Variants in BPGM observed in about 807,000 individuals in gnomAD.
BPGM encodes 2,3-bisphosphoglycerate mutase, erythrocyte.
Under a neutral mutation model 21.6 loss-of-function variants are expected in BPGM, and 15 were observed. That is an observed-to-expected ratio of 0.70 (90% CI 0.47 to 1.07). BPGM has a LOEUF of 1.07. Ranked by LOEUF, BPGM falls within the 50% of genes least tolerant of loss-of-function variation. The pLI, the probability that BPGM is intolerant of heterozygous loss-of-function variation, is 0.00. For missense variants in BPGM, 273 were observed against 319.0 expected, an observed-to-expected ratio of 0.86 and a Z score of 1.10; for synonymous variants, 113 against 116.2, an observed-to-expected ratio of 0.97 and a Z score of 0.18.
chr7:134,659,723 A>T (rs1795700288), intron 1 of BPGM, among the ~76,000 whole-genome samples: 1 of 152,186 alleles, frequency 6.6e-6, no homozygotes, highest in African/African-American at 2.4e-5. Flanking sequence ...GAAAATCATC[A>T]TCCTAACTGC....
intron 2 of BPGM, among the ~76,000 whole-genome samples, chr7:134,666,245 T>G (rs78957323): frequency 1.3e-3 from 191 of 152,278 alleles, no homozygotes; most frequent in African/African-American, 4.5e-3. Context: ...ACAGGCTTTA[T>G]AGAAAATGTT....
At chr7:134,649,865 C>T (rs1212614643) in intron 1 of BPGM, among the ~76,000 whole-genome samples, 1 of 152,190 alleles carries the variant, frequency 6.6e-6, no homozygotes, top group Non-Finnish European at 1.5e-5. Flanking sequence ...TCCCAGCTTT[C>T]GCTTCTGCTC....
chr7:134,651,847 T>C (rs1795559628), intron 1 of BPGM, among the ~76,000 whole-genome samples: 1 of 152,240 alleles, frequency 6.6e-6, no homozygotes, highest in South Asian at 2.1e-4. Flanking sequence ...TTGATTTGTT[T>C]ATTGTCAAAG....
intron 2 of BPGM, among the ~76,000 whole-genome samples, chr7:134,662,955 T>C (rs1276097387): frequency 6.6e-6 from 1 of 152,248 alleles, no homozygotes; most frequent in African/African-American, 2.4e-5. Context: ...TCTGGATTTC[T>C]CACTGTTCTG....
chr7:134,677,994 T>C (rs1024522747), intron 2 of BPGM, among the ~76,000 whole-genome samples: 6 of 152,248 alleles, frequency 3.9e-5, no homozygotes, highest in African/African-American at 1.4e-4. Flanking sequence ...GTCATCATAT[T>C]GCAATGATGA....
chr7:134,668,515 A>C (rs1795853318), intron 2 of BPGM, among the ~76,000 whole-genome samples: 1 of 152,208 alleles, frequency 6.6e-6, no homozygotes, highest in South Asian at 2.1e-4. Flanking sequence ...TAGCATAGCT[A>C]TACGGGATGA....
In BPGM at chr7:134,661,620, C is replaced by T; in HGVS notation, c.113C>T (p.Ala38Val). ...QKLNSEGMEEARNCGKQLKAL... is the reference protein window; with the variant it reads ...QKLNSEGMEEVRNCGKQLKAL... ...CTCAACAGCGAAGGAATGGAGGAAG[C>T]TCGGAACTGTGGGAAGCAACTCAAA... Residue 38 changes from alanine to valine, a missense_variant, in exon 2 of 3, where the codon GCT (alanine) becomes GTT (valine). By Grantham distance (64) the Ala-to-Val change is moderately conservative (BLOSUM62 0). Transcript: ENST00000344924. The surrounding 1 kb of genome is among the most constrained non-coding windows in gnomAD (Gnocchi z 4.6). 6.2e-7 allele frequency: 1 copy of T among 1,614,140 alleles called. No individual in the cohort carries two copies. The highest frequency in any genetic ancestry group is 8.5e-7 in the Non-Finnish European group (1 of 1,180,030).
chr7:134,656,614 G>T (rs890722584), intron 1 of BPGM, among the ~76,000 whole-genome samples: 4 of 152,148 alleles, frequency 2.6e-5, no homozygotes, highest in Non-Finnish European at 4.4e-5. Context: ...TGGGGGCAAA[G>T]CTCCTTATAA....
chr7:134,678,078 G>A (rs1453948705), intron 2 of BPGM, among the ~76,000 whole-genome samples: 2 of 152,184 alleles, frequency 1.3e-5, no homozygotes, highest in African/African-American at 4.8e-5. Context: ...CATGTTAGCT[G>A]TTTATTGTTA....
chr7:134,661,587 A>G lies in BPGM; in HGVS notation c.80A>G (p.Asp27Gly), dbSNP rs1289901566. Residue 27 changes from aspartate (D) to glycine (G), a missense_variant, in exon 2 of 3, where the codon GAT becomes GGT. By Grantham distance (94) the Asp-to-Gly change is moderately conservative (BLOSUM62 -1). Transcript: ENST00000344924. The surrounding 1 kb of genome is among the most constrained non-coding windows in gnomAD (Gnocchi z 4.6). ...GAGAACCGTTTTTGTAGCTGGGTGG[A>G]TCAGAAACTCAACAGCGAAGGAATG... ...NKENRFCSWV[D>G]QKLNSEGMEE... 10 of 1,614,052 alleles carry G rather than the reference A, an allele frequency of 6.2e-6. No homozygotes were observed. The South Asian group carries it at 1.1e-4, about 18-fold the overall frequency.
intron 2 of BPGM, among the ~76,000 whole-genome samples, chr7:134,665,236 C>T (rs542875828): frequency 4.6e-5 from 7 of 152,078 alleles, no homozygotes; most frequent in African/African-American, 1.4e-4. Flanking sequence ...GTGTAGAATA[C>T]TGGGGAAAAT....
intron 2 of BPGM, among the ~76,000 whole-genome samples, chr7:134,675,061 T>C (rs554639860): frequency 3.3e-5 from 5 of 152,212 alleles, no homozygotes; most frequent in African/African-American, 1.2e-4. Flanking sequence ...TGTATATCTT[T>C]GGAGAAATGG....
intron 1 of BPGM, among the ~76,000 whole-genome samples, chr7:134,647,496 C>T (rs1194960538): frequency 3.9e-5 from 6 of 152,188 alleles, no homozygotes; most frequent in Non-Finnish European, 2.9e-5. Context: ...AGTGTATTTT[C>T]CTCTTTTCTA....
intron 1 of BPGM, among the ~76,000 whole-genome samples, chr7:134,649,650 TG>T (rs2131411418): frequency 6.6e-6 from 1 of 152,342 alleles, no homozygotes; most frequent in Non-Finnish European, 1.5e-5. Flanking sequence ...GCCACAAATA[TG>T]AGGAAAACAT....
At chr7:134,678,293 C>G (rs1454058258) in intron 2 of BPGM, among the ~76,000 whole-genome samples, 2 of 152,230 alleles carry the variant, frequency 1.3e-5, no homozygotes, top group Non-Finnish European at 2.9e-5. Flanking sequence ...TGTAAAATCC[C>G]TTCCTGATTC....
intron 2 of BPGM, among the ~76,000 whole-genome samples, chr7:134,674,853 C>A (rs1795962608): frequency 6.6e-6 from 1 of 152,164 alleles, no homozygotes; most frequent in Non-Finnish European, 1.5e-5. Context: ...TCGAAAGAGG[C>A]TATAGCCTTT....
Position 134,646,916 on chromosome 7 carries a change from GCTGC to G in BPGM, c.-82_-79del. On this transcript the variant is annotated 5_prime_UTR_variant, in exon 1 of 3. The change abolishes the stop of an existing upstream ORF in the 5' untranslated region. Transcript: ENST00000344924. ...AGGAGCGGCTGCTGCTGCTGCTGCTGCTGCTGGTGGCCCCTTTGCAGGTGAGTGG... is the reference window on the plus strand; with the variant it reads ...AGGAGCGGCTGCTGCTGCTGCTGCTGTGGTGGCCCCTTTGCAGGTGAGTGG... 5.2e-6 allele frequency: 1 copy of G among 190,518 alleles called. No homozygotes were observed. Among genetic ancestry groups the G allele is most frequent in the Non-Finnish European group, 1.1e-5 (1 of 88,436 alleles). The allele number at this position is 190,518 out of a possible 1,614,324, so 11.8% of individuals were successfully genotyped here.
chr7:134,654,632 A>G (rs1257473973), intron 1 of BPGM, among the ~76,000 whole-genome samples: 1 of 152,164 alleles, frequency 6.6e-6, no homozygotes, highest in Non-Finnish European at 1.5e-5. Context: ...GATCATCTTC[A>G]TAGTACTCTT....
chr7:134,662,395 T>C (rs1197169777), intron 2 of BPGM, among the ~76,000 whole-genome samples: 1 of 152,182 alleles, frequency 6.6e-6, no homozygotes, highest in African/African-American at 2.4e-5. Flanking sequence ...AATCAGTAGG[T>C]CTGGGGCGCA....
Sources: allele counts gnomAD v4.1 joint callset (sites outside exome capture counted in the v4.1 genomes callset), GRCh38; gene constraint gnomAD v4.1.1; non-coding constraint Gnocchi (gnomAD v3.1); transcripts MANE v1.5; gene names NCBI Gene and HGNC (gene_info 2026-07-23, HGNC 2026-07-21).